The following NADSYN1 variants were observed in gnomAD, a reference collection of about 807,000 sequenced individuals.
NADSYN1 encodes the protein NAD synthetase 1.
Under a neutral mutation model 99.3 loss-of-function variants are expected in NADSYN1, and 80 were observed. The ratio of observed to expected loss-of-function variants is 0.81; its 90% CI spans 0.67 to 0.97. The LOEUF is 0.97. NADSYN1 is among the 50% of genes least tolerant of loss of function. The pLI is 0.00. For missense variants in NADSYN1, 859 were observed against 948.5 expected (o/e 0.91, Z 1.24); for synonymous variants, 385 against 372.1 (o/e 1.03, Z -0.40).
In NADSYN1 at chr11:71,474,748, G is replaced by A. The variant is rs1433529794; in HGVS notation, c.798+222G>A. The stretch of plus-strand genomic sequence containing the variant: ...TGCTCCTGGCTCTCCCCTGTAAGCC[G>A]GGTGCTTAGTGAGGGCCCCTGTGGA... On this transcript the variant is annotated intron_variant, in intron 9 of 20. Coordinates refer to ENST00000319023, the MANE Select transcript of NADSYN1 (RefSeq NM_018161.5). The A allele has an allele frequency of 4.5e-5, 24 of 531,630 alleles. 1 individual carries two copies. The highest frequency in any genetic ancestry group is 2.8e-4 in the South Asian group (14 of 50,860). 32.9% of individuals were successfully genotyped at this position (531,630 alleles called of 1,614,324 possible). A position where few individuals can be genotyped will look rare whatever the true frequency, so the allele number is the denominator to read the frequency against.
At chr11:71,457,319 C>A (rs1428820835) in intron 2 of NADSYN1, among the ~76,000 whole-genome samples, 1 of 152,208 alleles carries the variant, frequency 6.6e-6, no homozygotes, top group Non-Finnish European at 1.5e-5. Flanking sequence ...GCAATGCTTT[C>A]CCAGATACTG....
intron 18 of NADSYN1, among the ~76,000 whole-genome samples, chr11:71,495,278 T>G (rs1949811663): frequency 6.6e-6 from 1 of 152,258 alleles, no homozygotes; most frequent in African/African-American, 2.4e-5. Flanking sequence ...TCCTCCTTGA[T>G]CCATTGATTA....
intron 15 of NADSYN1, chr11:71,485,269 C>A (rs182773532): frequency 1.0e-5 from 3 of 295,316 alleles, no homozygotes; most frequent in Non-Finnish European, 1.9e-5. Context: ...ACGGCTCAGT[C>A]CTGCCACCAG....
At chr11:71,497,678 T>C in intron 19 of NADSYN1, 67 bp downstream of exon 19, 1 of 1,601,688 alleles carries the variant, frequency 6.2e-7, no homozygotes, top group Non-Finnish European at 8.5e-7. Context: ...AGAGGCCGGT[T>C]TGACCTGTAG....
Position 71,485,533 on chromosome 11 carries a change from GT to G in NADSYN1, c.1456-5del. On this transcript the variant is annotated splice_region_variant and splice_polypyrimidine_tract_variant and intron_variant, in intron 15 of 20. Transcript: ENST00000319023. ...GGGAACCCGTTATTTCCTCTGTTGT[GT>G]TTTCCAGGCTCGAATACGGATGGTC... 6.5e-7 allele frequency: 1 copy of G among 1,548,188 alleles called. No individual in the cohort carries two copies. The highest frequency in any genetic ancestry group is 8.7e-7 in the Non-Finnish European group (1 of 1,145,138).
chr11:71,478,463 C>T lies in NADSYN1; in HGVS notation c.867C>T (p.Asn289=). ...RSYRAEISSR[N]LAASRASPYP... ...ACAGGGCGGAGATTTCATCTCGAAA[C>T]CTGGCGGTGAGTGCTCCAGTAGACA... The change falls in exon 10 of 21, where the codon AAC becomes AAT. Residue 289 remains asparagine, a synonymous_variant. Transcript: ENST00000319023. The T allele has an allele frequency of 6.2e-7, 1 of 1,604,028 alleles. No homozygotes were observed.
chr11:71,492,076 T>C (rs187915119), intron 18 of NADSYN1, among the ~76,000 whole-genome samples, 173 bp downstream of exon 18: 1 of 152,200 alleles, frequency 6.6e-6, no homozygotes, highest in Non-Finnish European at 1.5e-5. Context: ...CCTTTGACAC[T>C]TCAATTCACT....
chr11:71,471,346 G>C (rs1254771081), intron 5 of NADSYN1, among the ~76,000 whole-genome samples: 2 of 152,220 alleles, frequency 1.3e-5, no homozygotes, highest in African/African-American at 4.8e-5. Flanking sequence ...GCATGCCCCT[G>C]CTTTAGTAAA....
At position 71,455,156 on chromosome 11, in the gene NADSYN1, A is replaced by G. The variant is rs746098837; in HGVS notation, c.132A>G (p.Pro44=). 1.9e-6 allele frequency: 3 copies of G among 1,614,040 alleles called. No individual in the cohort carries two copies. In the East Asian group the frequency reaches 6.7e-5, roughly 36 times the overall value. Residue 44 remains proline (P), a synonymous_variant, in exon 2 of 21, where the codon CCA becomes CCG. Transcript: ENST00000319023. ...GAGGAGCAAGATACAGGCTTGGACC[A>G]GAGCTGGAAATATGGTGAGAACAGA... ...KNRGARYRLG[P]ELEICGYGCW... is the part of the protein sequence containing the mutation.
intron 18 of NADSYN1, among the ~76,000 whole-genome samples, chr11:71,495,058 G>A (rs1039533835): frequency 2.7e-5 from 4 of 150,698 alleles, no homozygotes; most frequent in Admixed American, 6.6e-5. Context: ...TTCCTTCCTC[G>A]TGCTGGCTTT....
chr11:71,499,089 G>T (rs1949840597), intron 20 of NADSYN1: 1 of 153,198 alleles, frequency 6.5e-6, no homozygotes, highest in Non-Finnish European at 1.5e-5. Context: ...TGTTCATGTA[G>T]GTTCATCCGT....
chr11:71,497,344 A>T (rs2120525152), intron 18 of NADSYN1, 139 bp from the exon 19 acceptor site: 1 of 995,338 alleles, frequency 1.0e-6, no homozygotes. Context: ...AGCAATGGGG[A>T]GTAAAGCCCA....
rs749480526 is a variant in NADSYN1, at chr11:71,501,433, G to T, written c.*81G>T. On this transcript the variant is annotated 3_prime_UTR_variant, in exon 21 of 21. Coordinates refer to ENST00000319023, the MANE Select transcript of NADSYN1 (RefSeq NM_018161.5). ...AGCATTGCTGGAGCCAAGGGTAGGA[G>T]CCCTACACTAGGAGCCCAGGATGGG... 2.0e-5 allele frequency: 28 copies of T among 1,391,068 alleles called. No individual in the cohort carries two copies. The South Asian group carries it at 3.4e-4, about 17-fold the overall frequency. The allele number at this position is 1,391,068 out of a possible 1,614,324, so 86.2% of individuals were successfully genotyped here. A position where few individuals can be genotyped will look rare whatever the true frequency, so the allele number is the denominator to read the frequency against.
At chr11:71,466,383 GC>G (rs1388369135) in intron 5 of NADSYN1, among the ~76,000 whole-genome samples, 1 of 152,156 alleles carries the variant, frequency 6.6e-6, no homozygotes, top group Non-Finnish European at 1.5e-5. Context: ...GTGTTCTGGT[GC>G]CCAGGGTCTG....
rs1426017998 is a variant in NADSYN1 at position 71,474,454 on chromosome 11, C to T, written c.726C>T (p.Tyr242=). 8 of 1,614,088 alleles carry T rather than the reference C, an allele frequency of 5.0e-6. No individual in the cohort carries two copies. In the South Asian group the frequency reaches 5.5e-5, roughly 11 times the overall value. The part of the protein sequence containing the change: ...QKGCDGDRLY[Y]DGCAMIAMNG... ...GTTGTGACGGGGACCGCCTGTACTACGACGGCTGTGCCATGATTGCCATGA... is the reference window on the plus strand; with the variant it reads ...GTTGTGACGGGGACCGCCTGTACTATGACGGCTGTGCCATGATTGCCATGA... Residue 242 remains tyrosine, a synonymous_variant, in exon 9 of 21, where the codon TAC becomes TAT. Coordinates refer to ENST00000319023, the MANE Select transcript of NADSYN1 (RefSeq NM_018161.5).
chr11:71,488,294 CGA>C (rs1371910151), intron 16 of NADSYN1, among the ~76,000 whole-genome samples: 2 of 151,178 alleles, frequency 1.3e-5, no homozygotes, highest in Non-Finnish European at 2.9e-5. Context: ...AAACGTCCGC[CGA>C]GAGAGCTCAA....
At chr11:71,463,648 C>T (rs755866181) in intron 4 of NADSYN1, among the ~76,000 whole-genome samples, 163 bp downstream of exon 4, 1 of 151,988 alleles carries the variant, frequency 6.6e-6, no homozygotes, top group Non-Finnish European at 1.5e-5. Context: ...GCAGGTGATC[C>T]GGGTGCCTTT....
Position 71,484,460 on chromosome 11 carries a change from G to A in NADSYN1, c.1455+13G>A. ...GCAAAATGTGCAGGTGCCCCCGCCT[G>A]GGCCGGCGTCCCCTGGGGGTGGGGG... On this transcript the variant is annotated intron_variant, in intron 15 of 20. Coordinates refer to ENST00000319023, the MANE Select transcript of NADSYN1 (RefSeq NM_018161.5). 2 of 1,610,288 alleles carry A rather than the reference G, an allele frequency of 1.2e-6. No individual in the cohort carries two copies. Among genetic ancestry groups the A allele is most frequent in the South Asian group, 2.2e-5 (2 of 90,718 alleles).
At chr11:71,501,203 C>G in intron 20 of NADSYN1, 99 bp from the exon 21 acceptor site, 1 of 1,164,752 alleles carries the variant, frequency 8.6e-7, no homozygotes, top group South Asian at 1.7e-5. Flanking sequence ...TACTTTTTCA[C>G]CTCTGGGACT....
Sources: gnomAD v4.1 joint callset for allele counts (sites outside exome capture counted in the v4.1 genomes callset) on GRCh38, gnomAD v4.1.1 for gene constraint, MANE v1.5 for transcripts, NCBI Gene and HGNC (gene_info 2026-07-23, HGNC 2026-07-21) for gene names.